PTPRT: variants seen among roughly 807,000 people sequenced by gnomAD.
The protein encoded by PTPRT is receptor-type tyrosine-protein phosphatase T.
In PTPRT, 56 loss-of-function variants were observed where a neutral mutation model predicts 176.8. The ratio of observed to expected loss-of-function variants is 0.32; its 90% confidence interval spans 0.26 to 0.40. The LOEUF (loss-of-function observed/expected upper bound fraction) is 0.40. Ranked by LOEUF, PTPRT falls within the 10% of genes least tolerant of loss-of-function variation. The probability of loss-of-function intolerance (pLI) is 1.00; values close to 1 mark genes in which losing one functional copy is unlikely to be tolerated. For missense variants in PTPRT, 1,540 were observed against 1,908.2 expected, an observed-to-expected ratio of 0.81 and a Z score of 3.60; for synonymous variants, 783 against 739.0, an observed-to-expected ratio of 1.06 and a Z score of -0.96.
chr20:42,877,891 G>A (rs1446610023), intron 2 of PTPRT, among the ~76,000 whole-genome samples: 1 of 152,114 alleles, frequency 6.6e-6, no homozygotes, highest in East Asian at 1.9e-4. Context: ...CTAGAACAAG[G>A]TGCAATCAGG....
intron 9 of PTPRT, among the ~76,000 whole-genome samples, chr20:42,405,391 G>T (rs1012022707): frequency 6.6e-6 from 1 of 151,912 alleles, no homozygotes; most frequent in African/African-American, 2.4e-5. Flanking sequence ...CCCTTCCTGG[G>T]TCCACCTGTT....
intron 1 of PTPRT, among the ~76,000 whole-genome samples, chr20:42,927,430 C>T (rs1049182181): frequency 2.0e-5 from 3 of 152,084 alleles, no homozygotes; most frequent in East Asian, 1.9e-4. Flanking sequence ...GGCGTAGTGG[C>T]GCATGCCCGT....
intron 23 of PTPRT, among the ~76,000 whole-genome samples, chr20:42,108,221 G>GCAGGGTCC (rs575485772): frequency 2.4e-4 from 35 of 148,718 alleles, no homozygotes; most frequent in Non-Finnish European, 4.9e-4. Context: ...ATACCTCCCT[G>GCAGGGTCC]CAGGGTCCTT....
intron 7 of PTPRT, among the ~76,000 whole-genome samples, chr20:42,600,985 TCAATG>T (rs2073771054): frequency 6.6e-6 from 1 of 152,088 alleles, no homozygotes; most frequent in African/African-American, 2.4e-5. Context: ...CTGTCCTGAG[TCAATG>T]TCAAGGCACT....
chr20:42,453,963 T>C (rs1421553515), intron 8 of PTPRT, among the ~76,000 whole-genome samples: 10 of 152,052 alleles, frequency 6.6e-5, no homozygotes, highest in Admixed American at 5.9e-4. Flanking sequence ...CCTCCTAAAG[T>C]GCTGGGATTA....
At chr20:43,011,630 T>C (rs1028963708) in intron 1 of PTPRT, among the ~76,000 whole-genome samples, 6 of 152,170 alleles carry the variant, frequency 3.9e-5, no homozygotes, top group African/African-American at 1.4e-4. Context: ...ATAGCAGCAT[T>C]TCTCATGATG....
At chr20:42,721,687 C>T (rs2076305627) in intron 6 of PTPRT, among the ~76,000 whole-genome samples, 1 of 152,220 alleles carries the variant, frequency 6.6e-6, no homozygotes, top group African/African-American at 2.4e-5. Flanking sequence ...AGCAAGTTTC[C>T]CTTGTCATTC....
At chr20:42,981,629 T>G (rs1425058449) in intron 1 of PTPRT, among the ~76,000 whole-genome samples, 1 of 152,194 alleles carries the variant, frequency 6.6e-6, no homozygotes, top group Non-Finnish European at 1.5e-5. Context: ...GGCAGCCTGC[T>G]GAACTCCAGA....
chr20:42,338,090 T>C (rs2058065051), intron 11 of PTPRT, among the ~76,000 whole-genome samples: 1 of 152,030 alleles, frequency 6.6e-6, no homozygotes, highest in African/African-American at 2.4e-5. Context: ...CAAGAAATTA[T>C]GCATTCGTTA....
rs560484154 is a variant in PTPRT, at chr20:42,984,850, A to G, written c.89-98918T>C. ...AAGAAAGACTCAAGACCTAGGAATC[A>G]GCAACAGTTAAAGGAATGAATGCAT... On this transcript the variant is annotated intron_variant, in intron 1 of 30. Coordinates refer to ENST00000373187, the MANE Select transcript of PTPRT (RefSeq NM_007050.6). Among the ~76,000 whole-genome samples, 4 of 152,372 alleles carry G rather than the reference A, an allele frequency of 2.6e-5. No individual in the cohort carries two copies. In the South Asian group the frequency reaches 8.3e-4, roughly 32 times the overall value.
chr20:42,412,264 G>A (rs1380277154), intron 9 of PTPRT, among the ~76,000 whole-genome samples: 1 of 152,180 alleles, frequency 6.6e-6, no homozygotes, highest in Non-Finnish European at 1.5e-5. Flanking sequence ...GAACAAAGAT[G>A]TCATCAAAGA....
intron 2 of PTPRT, among the ~76,000 whole-genome samples, chr20:42,805,760 T>C (rs1243260664): frequency 6.6e-6 from 1 of 152,194 alleles, no homozygotes; most frequent in East Asian, 1.9e-4. Context: ...GAATGGTGTA[T>C]TTTCTGAGCC....
chr20:42,150,287 T>A (rs746477464), intron 17 of PTPRT, among the ~76,000 whole-genome samples: 6 of 152,218 alleles, frequency 3.9e-5, no homozygotes, highest in Non-Finnish European at 5.9e-5. Context: ...CCTCAGCAGA[T>A]TCTGTCATTT....
At chr20:42,294,098 A>G (rs77199818) in intron 12 of PTPRT, among the ~76,000 whole-genome samples, 1,619 of 152,340 alleles carry the variant, frequency 0.011, 29 homozygotes, top group African/African-American at 0.037. Flanking sequence ...AAAGCTTTCA[A>G]CACAATCACC....
chr20:42,913,791 T>A (rs1170619546), intron 1 of PTPRT, among the ~76,000 whole-genome samples: 1 of 152,236 alleles, frequency 6.6e-6, no homozygotes, highest in Non-Finnish European at 1.5e-5. Flanking sequence ...TTTAGTATGA[T>A]AAGAACTCAT....
chr20:42,383,624 A>G (rs916326), intron 9 of PTPRT, among the ~76,000 whole-genome samples: 51,071 of 151,982 alleles, frequency 0.34, 8,843 homozygotes, highest in East Asian at 0.61. Context: ...GGTTACCATT[A>G]CAGCTATAAT....
chr20:42,649,397 T>C (rs1238288581), intron 7 of PTPRT, among the ~76,000 whole-genome samples: 1 of 152,106 alleles, frequency 6.6e-6, no homozygotes, highest in Non-Finnish European at 1.5e-5. Flanking sequence ...CAATTCAAGA[T>C]GAGATTTGGG....
At chr20:42,550,000 T>C (rs2072739458) in intron 7 of PTPRT, among the ~76,000 whole-genome samples, 1 of 152,178 alleles carries the variant, frequency 6.6e-6, no homozygotes. Flanking sequence ...GAACTGTGAA[T>C]GGCTCGAGAT....
At position 42,315,779 on chromosome 20, in the gene PTPRT, G is replaced by C. The variant is rs770482461; in HGVS notation, c.2083C>G (p.Leu695Val). The change falls in exon 12 of 31, where the codon CTC becomes GTC. Residue 695 changes from leucine (L) to valine (V), a missense_variant. Coordinates refer to ENST00000373187, the MANE Select transcript of PTPRT (RefSeq NM_007050.6). ...KTYNGYWNPP[L>V]SPLKSYSIYF... ...ATGCTGTAGCTTTTCAGGGGAGAGA[G>C]AGGAGGGTTCCAGTAGCCATTGTAT... 6.2e-7 allele frequency: 1 copy of C among 1,614,148 alleles called. No homozygotes were observed. The highest frequency in any genetic ancestry group is 8.5e-7 in the Non-Finnish European group (1 of 1,180,002).
Sources: gnomAD v4.1 joint callset for allele counts (sites outside exome capture counted in the v4.1 genomes callset) on GRCh38, gnomAD v4.1.1 for gene constraint, MANE v1.5 for transcripts, NCBI Gene and HGNC (gene_info 2026-07-23, HGNC 2026-07-21) for gene names.